Variants in ATP8B4 observed in about 807,000 individuals in gnomAD.
ATP8B4 encodes the protein probable phospholipid-transporting ATPase IM.
A neutral mutation model predicts 145.6 loss-of-function variants in ATP8B4; 133 were observed. The ratio of observed to expected loss-of-function variants is 0.91; its 90% CI spans 0.79 to 1.05. The LOEUF (loss-of-function observed/expected upper bound fraction) is 1.05. Ranked by LOEUF, ATP8B4 falls within the 50% of genes least tolerant of loss-of-function variation. The pLI, the probability that ATP8B4 is intolerant of heterozygous loss-of-function variation, is 0.00. For missense variants in ATP8B4, 1,458 were observed against 1,425.2 expected, an observed-to-expected ratio of 1.02 and a Z score of -0.37; for synonymous variants, 507 against 492.9, an observed-to-expected ratio of 1.03 and a Z score of -0.38.
rs1344664671 is a variant in ATP8B4 at position 50,073,017 on chromosome 15, TATACACACACAC to T, written c.87+1098_87+1109del. On this transcript the variant is annotated intron_variant, in intron 3 of 27. Coordinates refer to ENST00000284509, the MANE Select transcript of ATP8B4 (RefSeq NM_024837.4). Reference sequence around the variant, plus strand: ...ATATATATATATATATATATATATATATACACACACACACACACACACACACACACACACACT... The same window carrying T: ...ATATATATATATATATATATATATATACACACACACACACACACACACACT... 2.3e-3 allele frequency among the ~76,000 whole-genome samples: 74 copies of T among 31,630 alleles called. 1 individual carries two copies. The highest frequency in any genetic ancestry group is 7.0e-3 in the African/African-American group (47 of 6,668). 20.8% of individuals were successfully genotyped at this position (31,630 alleles called of 152,430 possible).
chr15:50,140,285 A>C (rs6493406), intron 1 of ATP8B4, among the ~76,000 whole-genome samples: 150,448 of 152,282 alleles, frequency 0.99, 74,340 homozygotes, highest in East Asian at 1. Flanking sequence ...AGTTTCCAAG[A>C]AGCAAAGCCT....
At chr15:50,147,060 A>T (rs2044286187) in intron 1 of ATP8B4, among the ~76,000 whole-genome samples, 1 of 152,160 alleles carries the variant, frequency 6.6e-6, no homozygotes. Context: ...AAGGAAGAAG[A>T]CGCAAACTCT....
At chr15:49,900,757 T>C (rs1025007859) in intron 21 of ATP8B4, among the ~76,000 whole-genome samples, 2 of 152,204 alleles carry the variant, frequency 1.3e-5, no homozygotes, top group African/African-American at 2.4e-5. Context: ...AGTTGCATTA[T>C]TTTAATTAAG....
chr15:49,920,537 A>G (rs2040164598), intron 17 of ATP8B4, 127 bp from the exon 18 acceptor site: 2 of 1,051,736 alleles, frequency 1.9e-6, no homozygotes, highest in African/African-American at 1.6e-5. Context: ...CTGCTTGGCT[A>G]TCCTTACTCT....
chr15:49,874,194 G>A (rs986570911), intron 25 of ATP8B4, among the ~76,000 whole-genome samples: 4 of 152,200 alleles, frequency 2.6e-5, no homozygotes, highest in East Asian at 1.9e-4. Flanking sequence ...GACATTAAAC[G>A]AGAGAACACA....
chr15:50,109,422 A>G (rs1418294876), intron 1 of ATP8B4, among the ~76,000 whole-genome samples: 1 of 152,164 alleles, frequency 6.6e-6, no homozygotes, highest in Non-Finnish European at 1.5e-5. Flanking sequence ...AGTCATAGCA[A>G]CAAATACAAA....
intron 3 of ATP8B4, among the ~76,000 whole-genome samples, chr15:50,069,783 T>C (rs1347166875): frequency 1.3e-5 from 2 of 152,216 alleles, no homozygotes; most frequent in Non-Finnish European, 2.9e-5. Context: ...TTTTAGAATC[T>C]GGCCAGTCTG....
At chr15:50,123,756 G>A (rs910921136), upstream of ATP8B4, among the ~76,000 whole-genome samples, 1 of 152,138 alleles carries the variant, frequency 6.6e-6, no homozygotes, top group Non-Finnish European at 1.5e-5. Flanking sequence ...CAGGCAATGA[G>A]AACCCACTGG....
At chr15:50,041,177 T>C (rs888714114) in intron 5 of ATP8B4, among the ~76,000 whole-genome samples, 2 of 152,182 alleles carry the variant, frequency 1.3e-5, no homozygotes. Context: ...TGCATCTAAA[T>C]GAGTACCATT....
intron 23 of ATP8B4, among the ~76,000 whole-genome samples, chr15:49,887,896 C>T (rs1215003276): frequency 6.6e-6 from 1 of 152,186 alleles, no homozygotes; most frequent in African/African-American, 2.4e-5. Context: ...AGTTCTTAAA[C>T]AGCTGCAAAG....
chr15:50,181,192 T>C (rs2044842154), intron 1 of ATP8B4, among the ~76,000 whole-genome samples: 1 of 152,158 alleles, frequency 6.6e-6, no homozygotes, highest in Non-Finnish European at 1.5e-5. Flanking sequence ...GCATTATCTG[T>C]ATTTATCGTA....
intron 1 of ATP8B4, among the ~76,000 whole-genome samples, chr15:50,141,561 C>A (rs144181811): frequency 2.0e-5 from 3 of 152,140 alleles, no homozygotes; most frequent in African/African-American, 7.2e-5. Flanking sequence ...AGGACAAAAT[C>A]TTTCCCCTCA....
intron 1 of ATP8B4, among the ~76,000 whole-genome samples, chr15:50,172,363 C>T (rs899421153): frequency 2.0e-5 from 3 of 152,282 alleles, no homozygotes; most frequent in Non-Finnish European, 4.4e-5. Context: ...GGGCTGGTCT[C>T]CAGCTCCTGA....
intron 25 of ATP8B4, among the ~76,000 whole-genome samples, chr15:49,872,246 T>TGG (rs2033774124): frequency 6.6e-6 from 1 of 152,200 alleles, no homozygotes; most frequent in African/African-American, 2.4e-5. Flanking sequence ...CCTGCAATGT[T>TGG]GTCACTGTGT....
intron 1 of ATP8B4, among the ~76,000 whole-genome samples, chr15:50,155,185 T>TA (rs2153681173): frequency 6.6e-6 from 1 of 152,264 alleles, no homozygotes; most frequent in Non-Finnish European, 1.5e-5. Context: ...ATTTTGTCAA[T>TA]AACTCAGAAG....
At chr15:49,916,351 A>G (rs767815507) in intron 20 of ATP8B4, among the ~76,000 whole-genome samples, 4 of 152,316 alleles carry the variant, frequency 2.6e-5, no homozygotes, top group Middle Eastern at 3.4e-3. Context: ...CAAATCTCAC[A>G]GTATTTTATT....
chr15:50,111,977 G>A (rs929477240), intron 1 of ATP8B4, among the ~76,000 whole-genome samples: 1 of 152,120 alleles, frequency 6.6e-6, no homozygotes, highest in Non-Finnish European at 1.5e-5. Flanking sequence ...AGACCAGCCT[G>A]AGCAAATTGT....
chr15:50,091,831 T>G (rs1413939631), intron 2 of ATP8B4, among the ~76,000 whole-genome samples: 1 of 152,160 alleles, frequency 6.6e-6, no homozygotes, highest in South Asian at 2.1e-4. Context: ...AATTAACTTG[T>G]GACTTCAGCT....
Position 49,860,117 on chromosome 15 carries a change from C to T in ATP8B4, c.*77G>A. ...GCCTGCCCCACCTCTTGCCTCAAAT[C>T]TCAAACTCTGGAGCCAGCAGAATTT... On this transcript the variant is annotated 3_prime_UTR_variant, in exon 28 of 28. Coordinates refer to ENST00000284509, the MANE Select transcript of ATP8B4 (RefSeq NM_024837.4). 6.6e-7 allele frequency: 1 copy of T among 1,506,308 alleles called. No individual in the cohort carries two copies. The highest frequency in any genetic ancestry group is 8.9e-7 in the Non-Finnish European group (1 of 1,122,626). The allele number at this position is 1,506,308 out of a possible 1,614,324, so 93.3% of individuals were successfully genotyped here.
Sources: allele counts gnomAD v4.1 joint callset (sites outside exome capture counted in the v4.1 genomes callset), GRCh38; gene constraint gnomAD v4.1.1; transcripts MANE v1.5; gene names NCBI Gene and HGNC (gene_info 2026-07-23, HGNC 2026-07-21).